The following NARS2 variants were observed in gnomAD, a reference collection of about 807,000 sequenced individuals.
NARS2 encodes the protein asparaginyl-tRNA synthetase 2, mitochondrial, also known as asparaginyl-tRNA synthetase.
A neutral mutation model predicts 62.9 loss-of-function variants in NARS2; 60 were observed. That is an observed-to-expected ratio of 0.95 (90% CI 0.77 to 1.18). The LOEUF (loss-of-function observed/expected upper bound fraction) is 1.18, where lower values mean the gene tolerates loss of function less well. Ranked by LOEUF, NARS2 falls within the 50% of genes most tolerant of loss-of-function variation. The pLI is 0.00. For missense variants in NARS2, 619 were observed against 576.4 expected, an observed-to-expected ratio of 1.07 and a Z score of -0.76; for synonymous variants, 196 against 200.0, an observed-to-expected ratio of 0.98 and a Z score of 0.17.
At chr11:78,550,330 G>A (rs543926226) in intron 5 of NARS2, among the ~76,000 whole-genome samples, 2 of 152,218 alleles carry the variant, frequency 1.3e-5, no homozygotes, top group Admixed American at 1.3e-4. Context: ...CGCCTTACAA[G>A]GAAAGTAACT....
intron 12 of NARS2, among the ~76,000 whole-genome samples, chr11:78,441,900 T>A (rs1857587896): frequency 6.6e-6 from 1 of 152,194 alleles, no homozygotes; most frequent in Admixed American, 6.5e-5. Flanking sequence ...AAATTTTAAA[T>A]TCTTAGTGGT....
chr11:78,554,884 A>G (rs1221108076), intron 5 of NARS2, among the ~76,000 whole-genome samples: 1 of 152,204 alleles, frequency 6.6e-6, no homozygotes, highest in South Asian at 2.1e-4. Flanking sequence ...CCCATTTGGT[A>G]TAATGTTGGC....
At chr11:78,443,481 T>C (rs1857644786) in intron 12 of NARS2, among the ~76,000 whole-genome samples, 180 bp downstream of exon 12, 1 of 152,152 alleles carries the variant, frequency 6.6e-6, no homozygotes, top group Admixed American at 6.5e-5. Context: ...AGAGTTCCAT[T>C]CCTGAAGAAC....
chr11:78,568,315 T>G (rs951642469), intron 3 of NARS2, among the ~76,000 whole-genome samples: 2 of 152,180 alleles, frequency 1.3e-5, no homozygotes, highest in African/African-American at 4.8e-5. Flanking sequence ...TTCTACATCA[T>G]GCAAAAGTCA....
intron 2 of NARS2, among the ~76,000 whole-genome samples, chr11:78,570,305 T>A (rs1856879839): frequency 1.3e-5 from 2 of 152,100 alleles, no homozygotes; most frequent in African/African-American, 4.8e-5. Flanking sequence ...ACCCTAACAA[T>A]CCCCGGAATA....
At chr11:78,497,540 G>A (rs2135344011) in intron 6 of NARS2, among the ~76,000 whole-genome samples, 1 of 152,270 alleles carries the variant, frequency 6.6e-6, no homozygotes, top group South Asian at 2.1e-4. Context: ...TTTAGTAAAA[G>A]TTCATTGACC....
chr11:78,479,383 C>T (rs185492423), intron 7 of NARS2, among the ~76,000 whole-genome samples: 127 of 152,176 alleles, frequency 8.3e-4, no homozygotes, highest in Non-Finnish European at 1.7e-3. Context: ...GGTGTGTGCA[C>T]CTGTAGTCCC....
At chr11:78,520,269 TC>T (rs1408603866) in intron 6 of NARS2, among the ~76,000 whole-genome samples, 1 of 152,102 alleles carries the variant, frequency 6.6e-6, no homozygotes, top group African/African-American at 2.4e-5. Context: ...CCTTGCCTCT[TC>T]CTAGTTTCTG....
intron 13 of NARS2, among the ~76,000 whole-genome samples, chr11:78,439,708 T>C (rs1224586602): frequency 1.3e-5 from 2 of 152,074 alleles, no homozygotes; most frequent in Non-Finnish European, 1.5e-5. Flanking sequence ...CTGAAACCTA[T>C]CTCCTTCCAT....
At chr11:78,455,525 T>G (rs1858128414) in intron 11 of NARS2, among the ~76,000 whole-genome samples, 1 of 152,054 alleles carries the variant, frequency 6.6e-6, no homozygotes, top group Non-Finnish European at 1.5e-5. Flanking sequence ...CCTCCTAAGG[T>G]CTTCTTTTAG....
chr11:78,496,394 A>G (rs989294770), intron 6 of NARS2, among the ~76,000 whole-genome samples: 2 of 152,180 alleles, frequency 1.3e-5, no homozygotes, highest in Non-Finnish European at 2.9e-5. Context: ...TAGTTAACTC[A>G]GTCTACGTAT....
At chr11:78,467,196 T>C (rs1591159235) in intron 10 of NARS2, among the ~76,000 whole-genome samples, 4 of 152,324 alleles carry the variant, frequency 2.6e-5, no homozygotes, top group African/African-American at 2.4e-5. Flanking sequence ...TCCAACATTA[T>C]ACATATGTCC....
intron 6 of NARS2, among the ~76,000 whole-genome samples, chr11:78,503,606 G>A (rs1199618213): frequency 1.3e-5 from 2 of 152,172 alleles, no homozygotes; most frequent in Non-Finnish European, 1.5e-5. Flanking sequence ...ACGAAAGGTA[G>A]TATTTCATAA....
intron 11 of NARS2, among the ~76,000 whole-genome samples, chr11:78,465,319 T>C (rs931447835): frequency 5.9e-5 from 9 of 152,226 alleles, no homozygotes; most frequent in Non-Finnish European, 5.9e-5. Context: ...GGGAGCCGGC[T>C]CCGGCCTTGG....
chr11:78,449,429 G>T (rs890069313), intron 11 of NARS2, among the ~76,000 whole-genome samples: 1 of 151,864 alleles, frequency 6.6e-6, no homozygotes, highest in Non-Finnish European at 1.5e-5. Context: ...GAGCCACCGC[G>T]CCTGGCCAAG....
At chr11:78,450,252 G>C (rs1857919040) in intron 11 of NARS2, among the ~76,000 whole-genome samples, 2 of 152,194 alleles carry the variant, frequency 1.3e-5, no homozygotes, top group South Asian at 4.1e-4. Flanking sequence ...AGGAAGAACA[G>C]TAGTTCTCCT....
In NARS2 at chr11:78,574,490, C is replaced by A. The variant is rs1223975400; in HGVS notation, c.-2G>T. On this transcript the variant is annotated 5_prime_UTR_variant, in exon 1 of 14. Transcript: ENST00000281038. Reference sequence around the variant, plus strand: ...CAGCAGGCAGCGGACCCCCAGCATCCCGCGTCCGCCCAGGCCCTCCGCGGG... The same window carrying A: ...CAGCAGGCAGCGGACCCCCAGCATCACGCGTCCGCCCAGGCCCTCCGCGGG... 6.2e-7 allele frequency: 1 copy of A among 1,608,538 alleles called. No individual in the cohort carries two copies. Among genetic ancestry groups the A allele is most frequent in the South Asian group, 1.1e-5 (1 of 90,842 alleles).
intron 6 of NARS2, among the ~76,000 whole-genome samples, chr11:78,524,656 C>T (rs1434727032): frequency 6.6e-6 from 1 of 151,748 alleles, no homozygotes; most frequent in Non-Finnish European, 1.5e-5. Flanking sequence ...AAGCAAAATG[C>T]AATGAAAACT....
intron 5 of NARS2, among the ~76,000 whole-genome samples, chr11:78,535,644 T>G (rs897433228): frequency 1.3e-4 from 20 of 152,044 alleles, no homozygotes; most frequent in African/African-American, 4.8e-4. Context: ...TTTTTTTTTT[T>G]GTGAGACAGA....
Sources: gnomAD v4.1 joint callset for allele counts (sites outside exome capture counted in the v4.1 genomes callset) on GRCh38, gnomAD v4.1.1 for gene constraint, MANE v1.5 for transcripts, NCBI Gene and HGNC (gene_info 2026-07-23, HGNC 2026-07-21) for gene names.